Variants in IGF2BP1 observed in about 807,000 individuals in gnomAD.
The protein encoded by IGF2BP1 is insulin-like growth factor 2 mRNA-binding protein 1.
In IGF2BP1, 11 loss-of-function variants were observed where a neutral mutation model predicts 74.9. The observed-to-expected ratio is 0.15, with a 90% CI of 0.09 to 0.24. The LOEUF (loss-of-function observed/expected upper bound fraction) is 0.24, where lower values mean the gene tolerates loss of function less well. Ranked by LOEUF, IGF2BP1 falls within the 10% of genes least tolerant of loss-of-function variation. The probability of loss-of-function intolerance (pLI) is 1.00; values close to 1 mark genes in which losing one functional copy is unlikely to be tolerated. For synonymous variants in IGF2BP1, 287 were observed against 281.8 expected (o/e 1.02, Z -0.18); for missense variants, 440 against 757.4 (o/e 0.58, Z 4.92).
At chr17:49,006,348 T>C (rs2041551398) in intron 2 of IGF2BP1, among the ~76,000 whole-genome samples, 1 of 152,222 alleles carries the variant, frequency 6.6e-6, no homozygotes. Context: ...TGACCTACCC[T>C]AGGTCTCTCA....
At chr17:49,022,971 G>A (rs1440530400) in intron 2 of IGF2BP1, among the ~76,000 whole-genome samples, 1 of 152,252 alleles carries the variant, frequency 6.6e-6, no homozygotes, top group Admixed American at 6.5e-5. Flanking sequence ...GGCCTGGGCC[G>A]AAGCAATACC....
At chr17:48,998,309 C>G (rs1008772714) in intron 1 of IGF2BP1, among the ~76,000 whole-genome samples, 5 of 152,174 alleles carry the variant, frequency 3.3e-5, no homozygotes, top group African/African-American at 1.2e-4. Flanking sequence ...GCCCCCCCAG[C>G]TGGAAAACCC....
At chr17:49,026,989 C>T (rs887384930) in intron 4 of IGF2BP1, among the ~76,000 whole-genome samples, 3 of 152,208 alleles carry the variant, frequency 2.0e-5, no homozygotes, top group Non-Finnish European at 4.4e-5. Context: ...GACCCACCCG[C>T]CTCAGCCTCC....
chr17:49,044,670 C>G (rs1016576698), intron 11 of IGF2BP1, among the ~76,000 whole-genome samples: 8 of 152,248 alleles, frequency 5.3e-5, no homozygotes, highest in African/African-American at 1.9e-4. Flanking sequence ...GCCCTCTATC[C>G]GTTGGTCATT....
intron 4 of IGF2BP1, 148 bp from the exon 5 acceptor site, chr17:49,031,762 A>C (rs1297772334): frequency 1.4e-6 from 1 of 721,300 alleles, no homozygotes; most frequent in Non-Finnish European, 2.4e-6. Context: ...TCGCCCTCCC[A>C]AGATGCTAGG....
At chr17:49,016,494 C>T (rs2041705298) in intron 2 of IGF2BP1, among the ~76,000 whole-genome samples, 2 of 152,128 alleles carry the variant, frequency 1.3e-5, no homozygotes, top group African/African-American at 2.4e-5. Flanking sequence ...AAGAGCCCTC[C>T]AGAGGAGTGG....
At chr17:49,041,348 G>C in intron 7 of IGF2BP1, 30 bp from the exon 8 acceptor site, 5 of 1,612,778 alleles carry the variant, frequency 3.1e-6, no homozygotes, top group African/African-American at 1.3e-5. Context: ...AGGAACTCTT[G>C]TCTTCCACTT....
intron 4 of IGF2BP1, among the ~76,000 whole-genome samples, chr17:49,028,807 T>C (rs1334099210): frequency 6.6e-6 from 1 of 152,004 alleles, no homozygotes; most frequent in Non-Finnish European, 1.5e-5. Flanking sequence ...TTTCATCTGA[T>C]TTATTATTAT....
intron 12 of IGF2BP1, among the ~76,000 whole-genome samples, 198 bp downstream of exon 12, chr17:49,045,263 TC>T (rs1389652630): frequency 1.3e-5 from 2 of 152,184 alleles, no homozygotes; most frequent in Admixed American, 1.3e-4. Flanking sequence ...GACTTCGTCT[TC>T]CCTTTTTAAG....
At chr17:49,028,419 A>G (rs1415291768) in intron 4 of IGF2BP1, among the ~76,000 whole-genome samples, 1 of 152,248 alleles carries the variant, frequency 6.6e-6, no homozygotes, top group African/African-American at 2.4e-5. Flanking sequence ...AACACATTCT[A>G]ACCTGCTCTA....
intron 4 of IGF2BP1, among the ~76,000 whole-genome samples, 182 bp downstream of exon 4, chr17:49,026,699 TCCTG>T (rs541533015): frequency 2.8e-5 from 3 of 107,040 alleles, no homozygotes; most frequent in Non-Finnish European, 7.1e-5. Context: ...CTTCCTGCCT[TCCTG>T]CCTTCCTGCC....
intron 2 of IGF2BP1, chr17:49,014,794 C>T: frequency 2.0e-6 from 2 of 985,324 alleles, no homozygotes; most frequent in African/African-American, 1.7e-5. Flanking sequence ...CTAAGGACCC[C>T]GAGGAGCACG....
intron 5 of IGF2BP1, 39 bp downstream of exon 5, chr17:49,032,012 G>T (rs755302616): frequency 6.6e-7 from 1 of 1,512,574 alleles, no homozygotes; most frequent in Admixed American, 1.7e-5. Context: ...GCGGTGGGGG[G>T]GGGTTCTGTG....
rs1009497121 is a variant in IGF2BP1 at position 48,999,363 on chromosome 17, AAAAT to A, written c.236+201_236+204del. On this transcript the variant is annotated intron_variant, in intron 2 of 14. Transcript: ENST00000290341. ...TGGGTGGTTTACAGCTTGTAAAAAAAAAATAAATAAGTTGGGGCTGGGGTAGGCT... is the reference window on the plus strand; with the variant it reads ...TGGGTGGTTTACAGCTTGTAAAAAAAAAATAAGTTGGGGCTGGGGTAGGCT... 7.3e-5 allele frequency among the ~76,000 whole-genome samples: 11 copies of A among 151,274 alleles called. 1 individual carries two copies. Among genetic ancestry groups the A allele is most frequent in the Admixed American group, 4.6e-4 (7 of 15,176 alleles).
At chr17:49,034,765 CAAAA>C (rs759683218) in intron 5 of IGF2BP1, among the ~76,000 whole-genome samples, 24 of 137,512 alleles carry the variant, frequency 1.7e-4, no homozygotes, top group African/African-American at 5.1e-4. Flanking sequence ...ACAAAAAAAA[CAAAA>C]AAAACGAAAA....
intron 2 of IGF2BP1, among the ~76,000 whole-genome samples, chr17:49,002,923 T>C (rs2041503767): frequency 6.6e-6 from 1 of 152,182 alleles, no homozygotes; most frequent in Non-Finnish European, 1.5e-5. Flanking sequence ...GAGAGTTTTG[T>C]AAGGGCAGTG....
intron 2 of IGF2BP1, among the ~76,000 whole-genome samples, chr17:49,016,983 TG>T (rs1349467229): frequency 6.6e-6 from 1 of 151,286 alleles, no homozygotes; most frequent in Non-Finnish European, 1.5e-5. Flanking sequence ...GAAGTTTTCT[TG>T]GACAATTTTT....
chr17:49,007,884 A>G (rs1396846492), intron 2 of IGF2BP1, among the ~76,000 whole-genome samples: 1 of 152,230 alleles, frequency 6.6e-6, no homozygotes, highest in East Asian at 1.9e-4. Context: ...TCTAAATTAA[A>G]GGGCAGGCCA....
At chr17:49,008,502 C>T (rs2041578277) in intron 2 of IGF2BP1, among the ~76,000 whole-genome samples, 1 of 152,150 alleles carries the variant, frequency 6.6e-6, no homozygotes, top group African/African-American at 2.4e-5. Context: ...TGGGTGTAGG[C>T]AGGAGGTGGA....
Sources: gnomAD v4.1 joint callset for allele counts (sites outside exome capture counted in the v4.1 genomes callset) on GRCh38, gnomAD v4.1.1 for gene constraint, MANE v1.5 for transcripts, NCBI Gene and HGNC (gene_info 2026-07-23, HGNC 2026-07-21) for gene names.